Variants in NFASC observed in about 807,000 individuals in gnomAD.
The protein encoded by NFASC is neurofascin.
In NFASC, 43 loss-of-function variants were observed where a neutral mutation model predicts 147.5. That is an observed-to-expected ratio of 0.29 (90% CI 0.23 to 0.38). The LOEUF (loss-of-function observed/expected upper bound fraction) is 0.38. NFASC is among the 10% of genes least tolerant of loss of function. NFASC has a pLI of 1.00. For missense variants in NFASC, 1,320 were observed against 1,689.0 expected, an observed-to-expected ratio of 0.78 and a Z score of 3.83; for synonymous variants, 622 against 665.5, an observed-to-expected ratio of 0.93 and a Z score of 1.01.
intron 8 of NFASC, among the ~76,000 whole-genome samples, chr1:204,958,475 C>T (rs186361627): frequency 2.6e-5 from 4 of 152,266 alleles, no homozygotes; most frequent in South Asian, 2.1e-4. Context: ...CAGCATTTCC[C>T]GACCCATTAT....
At position 204,976,788 on chromosome 1, in the gene NFASC, C is replaced by T. The variant is rs767981492; in HGVS notation, c.1824C>T (p.Thr608=). 18 of 1,613,314 alleles carry T rather than the reference C, an allele frequency of 1.1e-5. No homozygotes were observed. Among genetic ancestry groups the T allele is most frequent in the East Asian group, 2.2e-5 (1 of 44,862 alleles). The part of the protein sequence containing the change: ...LDQDLAKAYL[T]VLADQATPTN... Reference sequence around the variant, plus strand: ...AAGACCTGGCCAAGGCCTACCTCACCGTGCTAGGTAACTGCCCATGCTCAC... The same window carrying T: ...AAGACCTGGCCAAGGCCTACCTCACTGTGCTAGGTAACTGCCCATGCTCAC... Residue 608 remains threonine (T), a synonymous_variant, in exon 16 of 30, where the codon ACC becomes ACT. Transcript: ENST00000339876.
intron 1 of NFASC, among the ~76,000 whole-genome samples, chr1:204,875,560 A>G (rs1250221220): frequency 6.6e-6 from 1 of 152,232 alleles, no homozygotes; most frequent in Non-Finnish European, 1.5e-5. Flanking sequence ...AACATTCTGC[A>G]AAGTGATTGC....
At chr1:204,845,557 C>T (rs2102579899) in intron 1 of NFASC, among the ~76,000 whole-genome samples, 1 of 152,192 alleles carries the variant, frequency 6.6e-6, no homozygotes, top group South Asian at 2.1e-4. Flanking sequence ...ACATTTTAAT[C>T]TGTGGTACCT....
At chr1:204,929,013 G>A (rs2092060307) in intron 2 of NFASC, among the ~76,000 whole-genome samples, 1 of 152,154 alleles carries the variant, frequency 6.6e-6, no homozygotes, top group South Asian at 2.1e-4. Flanking sequence ...TAATAGCCAA[G>A]AGGTTTAGGT....
In NFASC at chr1:205,016,252, G is replaced by A. The variant is rs2096359954; in HGVS notation, c.3492-56G>A. 6 of 1,231,914 alleles carry A rather than the reference G, an allele frequency of 4.9e-6. No homozygotes were observed. In the South Asian group the frequency reaches 7.3e-5, roughly 15 times the overall value. The allele number at this position is 1,231,914 out of a possible 1,614,324, so 76.3% of individuals were successfully genotyped here. On this transcript the variant is annotated intron_variant, in intron 29 of 29. Transcript: ENST00000339876. The surrounding 1 kb of genome is among the most constrained non-coding windows in gnomAD (Gnocchi z 5.1). ...GAGCTGTGTAGGGCATGTGCTGGCA[G>A]GAGGCCAGCTGCCCCATCTCACCCC...
intron 25 of NFASC, chr1:204,999,545 G>A: frequency 6.6e-6 from 1 of 152,212 alleles, no homozygotes; most frequent in East Asian, 1.9e-4. Flanking sequence ...ATTCTAAGGA[G>A]CTGGAATTTG....
Position 204,997,296 on chromosome 1 carries a change from C to T in NFASC, c.2909C>T (p.Thr970Ile). The change falls in exon 25 of 30, where the codon ACC (threonine) becomes ATC (isoleucine). Residue 970 changes from threonine (T) to isoleucine (I), a missense_variant. By Grantham distance (89) the Thr-to-Ile change is moderately conservative (BLOSUM62 -1). Transcript: ENST00000339876. ...ATCATCCCAACTGTCGCACCTACCA[C>T]CATCGCCACCACCACCACCGTCGCC... The part of the protein sequence containing the change: ...VPIIPTVAPT[T>I]IATTTTVATT... 9 of 1,605,400 alleles carry T rather than the reference C, an allele frequency of 5.6e-6. No individual in the cohort carries two copies. Among genetic ancestry groups the T allele is most frequent in the Non-Finnish European group, 7.7e-6 (9 of 1,176,106 alleles).
Position 205,015,125 on chromosome 1 carries a change from T to A in NFASC, c.3492-1183T>A, listed in dbSNP as rs948277922. 2.6e-5 allele frequency among the ~76,000 whole-genome samples: 4 copies of A among 152,140 alleles called. No individual in the cohort carries two copies. Among genetic ancestry groups the A allele is most frequent in the Non-Finnish European group, 5.9e-5 (4 of 68,016 alleles). ...CCTGACAGCTGTCTTTGCCCGACAC[T>A]GCTATTAGAAGTGAGAACGCACTGC... On this transcript the variant is annotated intron_variant, in intron 29 of 29. Coordinates refer to ENST00000339876, the MANE Select transcript of NFASC (RefSeq NM_001005388.3). This position sits in a 1 kb window ranked among gnomAD's most constrained non-coding sequence, Gnocchi z 4.0.
At position 204,979,907 on chromosome 1, in the gene NFASC, G is replaced by T. The variant is rs1242044804; in HGVS notation, c.2176+348G>T. ...ATTCAGTGTGAGAAATATATAAATT[G>T]GTATTACATCAGATTTCTTTTCCTA... On this transcript the variant is annotated intron_variant, in intron 19 of 29. Transcript: ENST00000339876. The surrounding 1 kb of genome is among the most constrained non-coding windows in gnomAD (Gnocchi z 6.0). Among the ~76,000 whole-genome samples, 1 of 152,142 alleles carries T rather than the reference G, an allele frequency of 6.6e-6. No homozygotes were observed. The highest frequency in any genetic ancestry group is 2.4e-5 in the African/African-American group (1 of 41,424).
chr1:204,905,331 G>T (rs12059841), intron 1 of NFASC, among the ~76,000 whole-genome samples: 22,538 of 151,502 alleles, frequency 0.15, 1,967 homozygotes, highest in East Asian at 0.37. Flanking sequence ...AGTGCACAAG[G>T]CTCCAACTTC....
intron 1 of NFASC, among the ~76,000 whole-genome samples, chr1:204,839,368 AAC>A (rs55784616): frequency 0.24 from 31,727 of 134,394 alleles, 4,138 homozygotes; most frequent in South Asian, 0.32. Flanking sequence ...GCACGTATGA[AAC>A]ACACACACAC....
chr1:204,961,684 C>T (rs925845778), intron 8 of NFASC, among the ~76,000 whole-genome samples: 2 of 152,276 alleles, frequency 1.3e-5, no homozygotes, highest in African/African-American at 4.8e-5. Flanking sequence ...ACTCCTTTCT[C>T]TTTAGCTGCT....
chr1:204,970,074 C>CAAAAAAAAAAAAA (rs11307141), intron 10 of NFASC, among the ~76,000 whole-genome samples: 1 of 65,472 alleles, frequency 1.5e-5, no homozygotes, highest in Non-Finnish European at 2.7e-5. Context: ...GACTCCATCT[C>CAAAAAAAAAAAAA]AAAAAAAAAA....
At chr1:204,901,779 A>G (rs1277809186) in intron 1 of NFASC, among the ~76,000 whole-genome samples, 16 of 152,062 alleles carry the variant, frequency 1.1e-4, no homozygotes, top group Non-Finnish European at 1.5e-5. Flanking sequence ...GAAAAAGGAA[A>G]AGTTGAGGAG....
intron 1 of NFASC, among the ~76,000 whole-genome samples, chr1:204,892,166 C>T (rs1301472270): frequency 6.6e-6 from 1 of 152,224 alleles, no homozygotes; most frequent in Non-Finnish European, 1.5e-5. Flanking sequence ...CTGATGCTGA[C>T]TACACATTTG....
intron 27 of NFASC, among the ~76,000 whole-genome samples, chr1:205,007,763 G>C (rs72755535): frequency 1.3e-5 from 2 of 152,150 alleles, no homozygotes; most frequent in Non-Finnish European, 2.9e-5. Context: ...ATGAGGACAG[G>C]GTGGTGGGAG....
At chr1:204,896,633 C>A (rs2083435119) in intron 1 of NFASC, among the ~76,000 whole-genome samples, 1 of 152,206 alleles carries the variant, frequency 6.6e-6, no homozygotes, top group Admixed American at 6.5e-5. Flanking sequence ...TTTAGTCATC[C>A]ATTCATCAAA....
At chr1:204,891,294 A>G (rs931124502) in intron 1 of NFASC, among the ~76,000 whole-genome samples, 6 of 152,150 alleles carry the variant, frequency 3.9e-5, no homozygotes, top group African/African-American at 1.4e-4. Flanking sequence ...CTCAAACCCA[A>G]CCAGTGGCTC....
At chr1:204,909,829 C>T (rs1357265542) in intron 1 of NFASC, among the ~76,000 whole-genome samples, 6 of 151,834 alleles carry the variant, frequency 4.0e-5, no homozygotes, top group South Asian at 4.2e-4. Context: ...CATCATTTGT[C>T]GAAAAGACTG....
Sources: gnomAD v4.1 joint callset for allele counts (sites outside exome capture counted in the v4.1 genomes callset) on GRCh38, gnomAD v4.1.1 for gene constraint, Gnocchi (gnomAD v3.1) non-coding constraint, MANE v1.5 for transcripts, NCBI Gene and HGNC (gene_info 2026-07-23, HGNC 2026-07-21) for gene names.